NPEPPS: variants seen among roughly 807,000 people sequenced by gnomAD.
NPEPPS encodes the protein aminopeptidase puromycin sensitive, also known as puromycin-sensitive aminopeptidase.
A neutral mutation model predicts 115.5 loss-of-function variants in NPEPPS; 14 were observed. The ratio of observed to expected loss-of-function variants is 0.12; its 90% CI spans 0.08 to 0.19. The LOEUF (loss-of-function observed/expected upper bound fraction) is 0.19, where lower values mean the gene tolerates loss of function less well. NPEPPS is among the 10% of genes least tolerant of loss of function. NPEPPS has a pLI of 1.00. For missense variants in NPEPPS, 523 were observed against 1,110.8 expected, an observed-to-expected ratio of 0.47 and a Z score of 7.52; for synonymous variants, 285 against 390.6, an observed-to-expected ratio of 0.73 and a Z score of 3.19.
intron 2 of NPEPPS, among the ~76,000 whole-genome samples, chr17:47,550,137 A>G (rs1193371727): frequency 2.0e-5 from 3 of 151,808 alleles, no homozygotes; most frequent in Non-Finnish European, 4.4e-5. Flanking sequence ...GTTTTACCGT[A>G]TTAGCCAGGA....
In NPEPPS at chr17:47,622,432, T is replaced by A. The variant is rs1191644704; in HGVS notation, c.*512T>A. 8.4e-5 allele frequency: 14 copies of A among 166,408 alleles called. 1 individual carries two copies. The highest frequency in any genetic ancestry group is 5.8e-3 in the Middle Eastern group (2 of 342). 10.3% of individuals were successfully genotyped at this position (166,408 alleles called of 1,614,324 possible). Reference sequence around the variant, plus strand: ...GTGCATAATTCCAAGTGGCTTTTTTTTTTTTTGGCACGGGGACTGATCAGG... The same window carrying A: ...GTGCATAATTCCAAGTGGCTTTTTTATTTTTTGGCACGGGGACTGATCAGG... On this transcript the variant is annotated 3_prime_UTR_variant, in exon 23 of 23. Transcript: ENST00000322157.
At chr17:47,545,005 T>A (rs1306745934) in intron 1 of NPEPPS, among the ~76,000 whole-genome samples, 75 of 149,160 alleles carry the variant, frequency 5.0e-4, no homozygotes, top group African/African-American at 1.8e-3. Context: ...GCCCCCAGCC[T>A]ATTTTTATTT....
At chr17:47,558,440 T>G (rs1199925245) in intron 2 of NPEPPS, among the ~76,000 whole-genome samples, 1 of 151,610 alleles carries the variant, frequency 6.6e-6, no homozygotes, top group African/African-American at 2.4e-5. Context: ...TCCCCCACTT[T>G]TTTTTTTGAG....
At chr17:47,557,090 T>A (rs973500377) in intron 2 of NPEPPS, among the ~76,000 whole-genome samples, 9 of 152,198 alleles carry the variant, frequency 5.9e-5, no homozygotes, top group African/African-American at 2.2e-4. Flanking sequence ...GTTTTTTTTT[T>A]ATTTTTGAGA....
intron 17 of NPEPPS, among the ~76,000 whole-genome samples, chr17:47,610,401 G>GTA (rs1349434650): frequency 6.6e-6 from 1 of 150,664 alleles, no homozygotes; most frequent in African/African-American, 2.4e-5. Context: ...TTTTGGGGGG[G>GTA]GGTAACAGAG....
At chr17:47,598,569 G>A (rs1319001541) in intron 13 of NPEPPS, among the ~76,000 whole-genome samples, 1 of 152,084 alleles carries the variant, frequency 6.6e-6, no homozygotes, top group Non-Finnish European at 1.5e-5. Flanking sequence ...AGACCAGCCT[G>A]GGTAACACGG....
intron 17 of NPEPPS, among the ~76,000 whole-genome samples, chr17:47,608,010 T>G (rs933841037): frequency 4.3e-5 from 6 of 140,780 alleles, no homozygotes; most frequent in Non-Finnish European, 9.3e-5. Context: ...CCCAGCTATG[T>G]TTTTTTTTTT....
intron 20 of NPEPPS, 39 bp downstream of exon 20, chr17:47,618,496 T>C: frequency 7.4e-7 from 1 of 1,347,600 alleles, no homozygotes; most frequent in Non-Finnish European, 1.1e-6. Flanking sequence ...AGTGAATCGT[T>C]ACCCATCTCT....
At chr17:47,593,683 C>T (rs1357987214) in intron 12 of NPEPPS, among the ~76,000 whole-genome samples, 3 of 152,028 alleles carry the variant, frequency 2.0e-5, no homozygotes, top group African/African-American at 7.3e-5. Flanking sequence ...TTACAGAAAC[C>T]TACACAGTAT....
chr17:47,615,171 G>A (rs890055558), intron 19 of NPEPPS, among the ~76,000 whole-genome samples: 2 of 145,888 alleles, frequency 1.4e-5, no homozygotes, highest in African/African-American at 5.2e-5. Context: ...TCTGCCTCCC[G>A]GGTTCACGTG....
At chr17:47,566,184 G>T (rs1258990690) in intron 2 of NPEPPS, among the ~76,000 whole-genome samples, 5 of 152,010 alleles carry the variant, frequency 3.3e-5, no homozygotes, top group African/African-American at 4.8e-5. Context: ...TTCCTGTGTT[G>T]CCCAGGTTGA....
intron 3 of NPEPPS, among the ~76,000 whole-genome samples, chr17:47,572,181 G>T (rs1281821189): frequency 6.6e-6 from 1 of 152,160 alleles, no homozygotes; most frequent in African/African-American, 2.4e-5. Context: ...TTTGGAGGCT[G>T]AGGCAGGAGG....
At chr17:47,549,821 G>T (rs1433365184) in intron 2 of NPEPPS, among the ~76,000 whole-genome samples, 1 of 149,582 alleles carries the variant, frequency 6.7e-6, no homozygotes, top group African/African-American at 2.5e-5. Flanking sequence ...TGGGAACAGG[G>T]ATAGATTTGG....
intron 17 of NPEPPS, among the ~76,000 whole-genome samples, chr17:47,611,334 C>CGTGT (rs1290330766): frequency 6.6e-6 from 1 of 151,696 alleles, no homozygotes. Context: ...GTGGCACAAC[C>CGTGT]GTGTATTCCC....
At chr17:47,535,619 T>C (rs1021462554) in intron 1 of NPEPPS, among the ~76,000 whole-genome samples, 31 of 151,140 alleles carry the variant, frequency 2.1e-4, no homozygotes, top group South Asian at 4.2e-4. Context: ...GAAAATTTGT[T>C]ATTATACAGA....
chr17:47,585,406 A>G (rs1357970662), intron 5 of NPEPPS, 94 bp from the exon 6 acceptor site: 1 of 800,336 alleles, frequency 1.2e-6, no homozygotes, highest in East Asian at 2.7e-5. Context: ...AAAGGGGTAA[A>G]GAGATGCAAT....
chr17:47,621,476 T>C (rs1414692581), intron 22 of NPEPPS, among the ~76,000 whole-genome samples: 2 of 152,168 alleles, frequency 1.3e-5, no homozygotes, highest in African/African-American at 4.8e-5. Flanking sequence ...TTCCAAGTCT[T>C]CATTCCAAAG....
intron 13 of NPEPPS, among the ~76,000 whole-genome samples, 194 bp downstream of exon 13, chr17:47,596,656 G>C (rs1451648953): frequency 6.6e-6 from 1 of 152,182 alleles, no homozygotes; most frequent in Non-Finnish European, 1.5e-5. Context: ...AATGTTACTT[G>C]CTTGTCTAGT....
intron 13 of NPEPPS, among the ~76,000 whole-genome samples, chr17:47,598,026 A>G (rs1912980808): frequency 1.3e-5 from 2 of 152,230 alleles, no homozygotes; most frequent in African/African-American, 4.8e-5. Context: ...ATTTCTTTGC[A>G]GTCTTTTTTC....
Sources: gnomAD v4.1 joint callset for allele counts (sites outside exome capture counted in the v4.1 genomes callset) on GRCh38, gnomAD v4.1.1 for gene constraint, MANE v1.5 for transcripts, NCBI Gene and HGNC (gene_info 2026-07-23, HGNC 2026-07-21) for gene names.